The following SLC5A8 variants were observed in gnomAD, a reference collection of about 807,000 sequenced individuals.
The protein encoded by SLC5A8 is sodium-coupled monocarboxylate transporter 1.
In SLC5A8, 55 loss-of-function variants were observed where a neutral mutation model predicts 71.9. The ratio of observed to expected loss-of-function variants is 0.77; its 90% confidence interval spans 0.62 to 0.96. The LOEUF is 0.96. Ranked by LOEUF, SLC5A8 falls within the 40% of genes least tolerant of loss-of-function variation. SLC5A8 has a pLI of 0.00. For synonymous variants in SLC5A8, 307 were observed against 276.1 expected, an observed-to-expected ratio of 1.11 and a Z score of -1.11; for missense variants, 701 against 745.3, an observed-to-expected ratio of 0.94 and a Z score of 0.69.
rs1323042990 is a variant in SLC5A8 at position 101,209,638 on chromosome 12, C to G, written c.211G>C (p.Val71Leu). 1 of 1,613,904 alleles carries G rather than the reference C, an allele frequency of 6.2e-7. No individual in the cohort carries two copies. Among genetic ancestry groups the G allele is most frequent in the Non-Finnish European group, 8.5e-7 (1 of 1,180,052 alleles). Residue 71 changes from valine to leucine, a missense_variant, in exon 1 of 15, where the codon GTC (valine) becomes CTC (leucine). Transcript: ENST00000536262. Reference sequence around the variant, plus strand: ...TAGACCTCGGAGGGGGTGCCCAGGACAGTGACGGCTGACATGAAGCTAGCG... The same window carrying G: ...TAGACCTCGGAGGGGGTGCCCAGGAGAGTGACGGCTGACATGAAGCTAGCG... ...LTASFMSAVTVLGTPSEVYRF... is the reference protein window; with the variant it reads ...LTASFMSAVTLLGTPSEVYRF...
intron 13 of SLC5A8, among the ~76,000 whole-genome samples, chr12:101,158,598 C>CTATATATATA (rs139268658): frequency 0.012 from 252 of 21,060 alleles, 11 homozygotes; most frequent in Admixed American, 0.015. Flanking sequence ...CTCTCTCTCT[C>CTATATATATA]TATATATATA....
At chr12:101,180,003 T>C in intron 10 of SLC5A8, 26 bp downstream of exon 10, 4 of 1,613,536 alleles carry the variant, frequency 2.5e-6, no homozygotes, top group Non-Finnish European at 2.5e-6. Context: ...GATTTATGAC[T>C]TAAACCTCCA....
chr12:101,168,563 T>G (rs981360368), intron 10 of SLC5A8, among the ~76,000 whole-genome samples: 2 of 152,200 alleles, frequency 1.3e-5, no homozygotes, highest in East Asian at 1.9e-4. Context: ...AATCCTCTCA[T>G]AACGGTGGAC....
At chr12:101,166,841 A>T (rs2051776592) in intron 11 of SLC5A8, 142 bp from the exon 12 acceptor site, 1 of 686,196 alleles carries the variant, frequency 1.5e-6, no homozygotes. Flanking sequence ...TCCTCCCAAG[A>T]TAGTGCTCAG....
intron 1 of SLC5A8, among the ~76,000 whole-genome samples, chr12:101,207,745 G>A (rs1463120685): frequency 6.6e-6 from 1 of 152,046 alleles, no homozygotes; most frequent in Non-Finnish European, 1.5e-5. Flanking sequence ...AAGTGACAGT[G>A]GCCAGGTGTT....
chr12:101,173,754 G>C (rs1288822548), intron 10 of SLC5A8, among the ~76,000 whole-genome samples: 1 of 152,218 alleles, frequency 6.6e-6, no homozygotes, highest in Non-Finnish European at 1.5e-5. Flanking sequence ...TCCCTAGCTG[G>C]TGGGCAACAG....
chr12:101,178,978 A>G (rs1212774985), intron 10 of SLC5A8, among the ~76,000 whole-genome samples: 1 of 152,206 alleles, frequency 6.6e-6, no homozygotes, highest in Non-Finnish European at 1.5e-5. Context: ...AAACAATTGA[A>G]TTAGAACATG....
At chr12:101,195,048 G>A (rs1478598251) in intron 4 of SLC5A8, 47 bp downstream of exon 4, 6 of 1,595,048 alleles carry the variant, frequency 3.8e-6, no homozygotes, top group Non-Finnish European at 5.1e-6. Context: ...TTTCAATTTT[G>A]CAAAGCAAGT....
chr12:101,170,641 T>C (rs533284694), intron 10 of SLC5A8, among the ~76,000 whole-genome samples: 8 of 152,260 alleles, frequency 5.3e-5, no homozygotes, highest in East Asian at 1.9e-4. Flanking sequence ...CCTAGGAAGA[T>C]AGAAAACTCT....
intron 8 of SLC5A8, among the ~76,000 whole-genome samples, chr12:101,183,559 T>C (rs1013514592): frequency 2.0e-5 from 3 of 152,176 alleles, no homozygotes; most frequent in African/African-American, 4.8e-5. Context: ...TTTTTCTTTG[T>C]GCATAGAAAG....
chr12:101,187,835 A>C (rs1488288204), intron 6 of SLC5A8, among the ~76,000 whole-genome samples: 1 of 152,218 alleles, frequency 6.6e-6, no homozygotes, highest in South Asian at 2.1e-4. Context: ...CTTGTCATGA[A>C]ATAAAGATTT....
chr12:101,173,555 G>A (rs1313947444), intron 10 of SLC5A8, among the ~76,000 whole-genome samples: 3 of 152,184 alleles, frequency 2.0e-5, no homozygotes, highest in Non-Finnish European at 4.4e-5. Flanking sequence ...ACTTGGGCAT[G>A]TTGCCTATGG....
intron 10 of SLC5A8, among the ~76,000 whole-genome samples, chr12:101,178,878 T>A (rs1117346): frequency 0.53 from 80,076 of 151,476 alleles, 23,465 homozygotes; most frequent in African/African-American, 0.79. Flanking sequence ...GACAAACTAC[T>A]GTGTAAGAAA....
intron 3 of SLC5A8, among the ~76,000 whole-genome samples, chr12:101,200,009 CAAAAAAAAAAAAAAAAAAAAAAAA>C (rs1182463470): frequency 7.3e-4 from 7 of 9,608 alleles, no homozygotes; most frequent in Non-Finnish European, 1.4e-3. Context: ...GTACTACCAG[CAAAAAAAAAAAAAAAAAAAAAAAA>C]AAAAAAAAAA....
At chr12:101,158,550 GTCTCTCTCTCTC>G (rs372186123) in intron 13 of SLC5A8, among the ~76,000 whole-genome samples, 748 of 48,340 alleles carry the variant, frequency 0.015, 20 homozygotes, top group East Asian at 0.038. Context: ...ATAAATATGA[GTCTCTCTCTCTC>G]TCTCTCTCTC....
intron 14 of SLC5A8, 95 bp downstream of exon 14, chr12:101,158,154 A>T (rs1182193946): frequency 3.1e-5 from 27 of 878,582 alleles, no homozygotes; most frequent in African/African-American, 1.7e-5. Context: ...TTCCTTGTCC[A>T]TCACTTTTCA....
At position 101,191,540 on chromosome 12, in the gene SLC5A8, C is replaced by A. The variant is rs181450301; in HGVS notation, c.693-932G>T. Among the ~76,000 whole-genome samples the A allele has an allele frequency of 2.0e-5, 3 of 152,218 alleles. No homozygotes were observed. In the East Asian group the frequency reaches 5.8e-4, roughly 29 times the overall value. On this transcript the variant is annotated intron_variant, in intron 5 of 14. Coordinates refer to ENST00000536262, the MANE Select transcript of SLC5A8 (RefSeq NM_145913.5). ...GTGTAAGAGTTTCAAGACTGTTGAC[C>A]CTTTCTCCCCAAGAGAGAGAAGCTA...
At chr12:101,202,725 T>A (rs1869511181) in intron 2 of SLC5A8, among the ~76,000 whole-genome samples, 1 of 152,112 alleles carries the variant, frequency 6.6e-6, no homozygotes, top group Non-Finnish European at 1.5e-5. Context: ...TGAAAGCCAA[T>A]GAAAACCACA....
intron 6 of SLC5A8, among the ~76,000 whole-genome samples, chr12:101,187,773 C>T (rs971831681): frequency 1.3e-5 from 2 of 151,880 alleles, no homozygotes; most frequent in Non-Finnish European, 2.9e-5. Flanking sequence ...GTCGGAGCTC[C>T]AGGGGCATTG....
Sources: allele counts gnomAD v4.1 joint callset (sites outside exome capture counted in the v4.1 genomes callset), GRCh38; gene constraint gnomAD v4.1.1; transcripts MANE v1.5; gene names NCBI Gene and HGNC (gene_info 2026-07-23, HGNC 2026-07-21).